GPC5: variants seen among roughly 807,000 people sequenced by gnomAD.
GPC5 encodes glypican 5.
Under a neutral mutation model 53.9 loss-of-function variants are expected in GPC5, and 47 were observed. The observed-to-expected ratio is 0.87, with a 90% CI of 0.69 to 1.11. GPC5 has a LOEUF of 1.11. Ranked by LOEUF, GPC5 falls within the 50% of genes most tolerant of loss-of-function variation. The pLI is 0.00. For missense variants in GPC5, 748 were observed against 713.1 expected (o/e 1.05, Z -0.56); for synonymous variants, 286 against 263.3 (o/e 1.09, Z -0.84).
intron 7 of GPC5, among the ~76,000 whole-genome samples, chr13:92,441,522 A>C (rs1877563607): frequency 6.6e-6 from 1 of 152,240 alleles, no homozygotes. Context: ...AAAATTAGTA[A>C]CATTTCTATA....
chr13:91,677,827 G>A (rs780580399), intron 2 of GPC5, among the ~76,000 whole-genome samples: 2 of 152,012 alleles, frequency 1.3e-5, no homozygotes, highest in Admixed American at 6.6e-5. Flanking sequence ...TATTTCTAGT[G>A]CATTTAAAAA....
At chr13:92,126,455 T>G (rs535001902) in intron 6 of GPC5, among the ~76,000 whole-genome samples, 6 of 152,310 alleles carry the variant, frequency 3.9e-5, no homozygotes, top group African/African-American at 1.2e-4. Flanking sequence ...ATGATTGATT[T>G]TATTTTTAAG....
intron 7 of GPC5, among the ~76,000 whole-genome samples, chr13:92,783,636 T>G (rs1274529591): frequency 6.6e-6 from 1 of 152,204 alleles, no homozygotes; most frequent in African/African-American, 2.4e-5. Flanking sequence ...GTTTCCCTGA[T>G]ATAATTTCAC....
At chr13:91,866,982 A>G (rs9515984) in intron 5 of GPC5, among the ~76,000 whole-genome samples, 133,058 of 152,206 alleles carry the variant, frequency 0.87, 58,562 homozygotes, top group East Asian at 0.98. Flanking sequence ...TTGGGAGGCC[A>G]AGGCGGGCAG....
intron 2 of GPC5, among the ~76,000 whole-genome samples, chr13:91,633,826 C>T (rs1021084705): frequency 2.6e-5 from 4 of 152,056 alleles, no homozygotes; most frequent in African/African-American, 9.7e-5. Context: ...CACTCTTTGC[C>T]TTACTCTTTA....
In GPC5 at chr13:91,478,822, T is replaced by TACACAC. The variant is rs1194096313; in HGVS notation, c.325+29908_325+29913dup. Among the ~76,000 whole-genome samples, 185 of 92,152 alleles carry TACACAC rather than the reference T, an allele frequency of 2.0e-3. 12 individuals are homozygous for TACACAC. The highest frequency in any genetic ancestry group is 2.2e-3 in the Non-Finnish European group (113 of 50,548). The allele number at this position is 92,152 out of a possible 152,430, so 60.5% of individuals were successfully genotyped here. A position where few individuals can be genotyped will look rare whatever the true frequency, so the allele number is the denominator to read the frequency against. On this transcript the variant is annotated intron_variant, in intron 2 of 7. Coordinates refer to ENST00000377067, the MANE Select transcript of GPC5 (RefSeq NM_004466.6). ...ATATATATATATATATATATATATA[T>TACACAC]ACACACACACACATATATATACACA...
At chr13:92,596,153 C>G (rs1467673039) in intron 7 of GPC5, among the ~76,000 whole-genome samples, 1 of 151,724 alleles carries the variant, frequency 6.6e-6, no homozygotes, top group Non-Finnish European at 1.5e-5. Context: ...ATTTAAGTGG[C>G]AAACAAGGCT....
At chr13:92,828,056 C>T (rs924136679) in intron 7 of GPC5, among the ~76,000 whole-genome samples, 1 of 152,068 alleles carries the variant, frequency 6.6e-6, no homozygotes, top group African/African-American at 2.4e-5. Flanking sequence ...AAGAAACAGG[C>T]AAAGCTCACA....
chr13:92,003,536 T>C (rs1425850109), intron 6 of GPC5, among the ~76,000 whole-genome samples: 1 of 152,112 alleles, frequency 6.6e-6, no homozygotes, highest in Non-Finnish European at 1.5e-5. Context: ...TGAACCCAAA[T>C]ATAACATTTA....
intron 1 of GPC5, among the ~76,000 whole-genome samples, chr13:91,417,507 G>C (rs1878320818): frequency 6.6e-6 from 1 of 152,096 alleles, no homozygotes; most frequent in Non-Finnish European, 1.5e-5. Context: ...TGCAACCATG[G>C]GTGCATTTGA....
chr13:91,542,655 G>C (rs1015528442), intron 2 of GPC5, among the ~76,000 whole-genome samples: 1 of 152,204 alleles, frequency 6.6e-6, no homozygotes, highest in South Asian at 2.1e-4. Context: ...CATCCGGAAA[G>C]TGTGATTGCA....
chr13:91,960,800 A>G (rs1325609747), intron 6 of GPC5, among the ~76,000 whole-genome samples: 1 of 151,970 alleles, frequency 6.6e-6, no homozygotes, highest in African/African-American at 2.4e-5. Flanking sequence ...TCAAGAACAT[A>G]CACTGGGGAA....
intron 7 of GPC5, among the ~76,000 whole-genome samples, chr13:92,624,165 G>A (rs1311529394): frequency 2.0e-5 from 3 of 151,442 alleles, no homozygotes; most frequent in East Asian, 3.9e-4. Context: ...ACCTCCGCAT[G>A]TTCAAGCGAT....
chr13:91,842,704 CAAAAAAAA>C (rs58660493), intron 5 of GPC5, among the ~76,000 whole-genome samples: 1 of 58,838 alleles, frequency 1.7e-5, no homozygotes, highest in Non-Finnish European at 2.9e-5. Flanking sequence ...GACTCCGTCT[CAAAAAAAA>C]AAAAAAAAAA....
At chr13:92,552,345 AAAG>A (rs1410138990) in intron 7 of GPC5, among the ~76,000 whole-genome samples, 10 of 151,950 alleles carry the variant, frequency 6.6e-5, no homozygotes, top group Non-Finnish European at 1.5e-4. Flanking sequence ...GAAAAAAGAA[AAAG>A]AAGAACAACA....
rs548147309 is a variant in GPC5 at position 91,402,867 on chromosome 13, C to T, written c.163+3658C>T. On this transcript the variant is annotated intron_variant, in intron 1 of 7. Transcript: ENST00000377067. ...ATGTATTTTTATCTAAAGTGATATCCGTTACATTATGGTGAATATTTTGTT... is the reference window on the plus strand; with the variant it reads ...ATGTATTTTTATCTAAAGTGATATCTGTTACATTATGGTGAATATTTTGTT... Among the ~76,000 whole-genome samples the T allele has an allele frequency of 4.6e-5, 7 of 152,182 alleles. No homozygotes were observed. In the South Asian group the frequency reaches 1.2e-3, roughly 27 times the overall value.
chr13:92,313,241 C>T (rs1465132645), intron 7 of GPC5, among the ~76,000 whole-genome samples: 3 of 152,142 alleles, frequency 2.0e-5, no homozygotes, highest in Non-Finnish European at 2.9e-5. Context: ...ACTTTTCTAG[C>T]CAGCAGAGGT....
At chr13:92,091,234 CAACA>C (rs2041377985) in intron 6 of GPC5, among the ~76,000 whole-genome samples, 1 of 152,066 alleles carries the variant, frequency 6.6e-6, no homozygotes, top group Non-Finnish European at 1.5e-5. Flanking sequence ...ATAATAATAA[CAACA>C]AACTAAAACA....
intron 7 of GPC5, among the ~76,000 whole-genome samples, chr13:92,693,147 A>G (rs899866815): frequency 1.3e-4 from 20 of 152,084 alleles, no homozygotes; most frequent in African/African-American, 4.8e-4. Flanking sequence ...GCCATACAGG[A>G]CTATGAACCA....
Sources: allele counts gnomAD v4.1 joint callset (sites outside exome capture counted in the v4.1 genomes callset), GRCh38; gene constraint gnomAD v4.1.1; transcripts MANE v1.5; gene names NCBI Gene and HGNC (gene_info 2026-07-23, HGNC 2026-07-21).